CIB1: variants seen among roughly 807,000 people sequenced by gnomAD.
CIB1 encodes the protein calcium and integrin binding 1, also known as calcium and integrin-binding protein 1.
Under a neutral mutation model 25.0 loss-of-function variants are expected in CIB1, and 19 were observed. The observed-to-expected ratio is 0.76, with a 90% CI of 0.53 to 1.12. The LOEUF (loss-of-function observed/expected upper bound fraction) is 1.12, where lower values mean the gene tolerates loss of function less well. Among genes scored for constraint, CIB1 ranks in the 50% most tolerant of loss-of-function variants. The probability of loss-of-function intolerance (pLI) is 0.00; values close to 1 mark genes in which losing one functional copy is unlikely to be tolerated. For missense variants in CIB1, 236 were observed against 242.6 expected, an observed-to-expected ratio of 0.97 and a Z score of 0.18; for synonymous variants, 104 against 98.5, an observed-to-expected ratio of 1.06 and a Z score of -0.33.
At chr15:90,248,313 C>G in the CIB1 span, among the ~76,000 whole-genome samples, 8 of 152,180 alleles carry the variant, frequency 5.3e-5, no homozygotes, top group Non-Finnish European at 1.0e-4. Context: ...AAGTTTATCA[C>G]TAACCTATGT....
the CIB1 span, chr15:90,255,700 G>A: frequency 1.9e-6 from 3 of 1,612,670 alleles, no homozygotes; most frequent in Non-Finnish European, 2.5e-6. Context: ...GGGATGCCCA[G>A]GTGCTAGGAA....
chr15:90,263,025 G>A, the CIB1 span: 1 of 1,536,148 alleles, frequency 6.5e-7, no homozygotes, highest in Non-Finnish European at 8.7e-7. Context: ...AGGAGGAGCT[G>A]GAGCGGATGA....
At chr15:90,251,016 G>A in the CIB1 span, 7 of 1,258,728 alleles carry the variant, frequency 5.6e-6, no homozygotes, top group Non-Finnish European at 7.7e-6. Flanking sequence ...GGAAATGCTG[G>A]AGTGTCATTA....
At chr15:90,257,408 A>G in the CIB1 span, 1 of 1,367,882 alleles carries the variant, frequency 7.3e-7, no homozygotes, top group South Asian at 1.4e-5. Flanking sequence ...GAGCTGCAGC[A>G]TCTAGCTGGG....
chr15:90,265,735 T>G, the CIB1 span: 49 of 1,613,356 alleles, frequency 3.0e-5, no homozygotes, highest in Non-Finnish European at 3.9e-5. Flanking sequence ...CTGAGTCTCT[T>G]GCTGGGCGGG....
At chr15:90,236,930 A>T (rs80136852), upstream of CIB1, among the ~76,000 whole-genome samples, 3,668 of 151,854 alleles carry the variant, frequency 0.024, 143 homozygotes, top group African/African-American at 0.08. Context: ...TACAGTGATA[A>T]AACCGAGCTG....
the CIB1 span, chr15:90,242,824 T>A: frequency 2.0e-5 from 3 of 152,220 alleles, no homozygotes; most frequent in Non-Finnish European, 2.9e-5. Context: ...TTTATTTTCA[T>A]GGCTGCCTTC....
the CIB1 span, chr15:90,257,660 C>T: frequency 6.2e-7 from 1 of 1,614,166 alleles, no homozygotes. Context: ...TGCACCTGAC[C>T]AACTATGCTA....
At chr15:90,239,938 C>G in the CIB1 span, among the ~76,000 whole-genome samples, 67 of 151,374 alleles carry the variant, frequency 4.4e-4, 1 homozygote, top group Admixed American at 7.2e-4. Context: ...ATAAAATAGG[C>G]CGTGGCTGGG....
the CIB1 span, chr15:90,265,600 G>A: frequency 7.7e-6 from 11 of 1,437,464 alleles, no homozygotes; most frequent in Non-Finnish European, 1.0e-5. Flanking sequence ...CAAGTGAAGC[G>A]GGAAATAACT....
intron 6 of CIB1, 122 bp from the exon 7 acceptor site, chr15:90,230,627 C>T: frequency 2.8e-6 from 3 of 1,074,752 alleles, no homozygotes; most frequent in Non-Finnish European, 4.2e-6. Flanking sequence ...GTGTCAGCCC[C>T]CTCTGCAAGA....
chr15:90,234,029 C>A (rs1304154849), upstream of CIB1: 5 of 980,580 alleles, frequency 5.1e-6, no homozygotes, highest in Non-Finnish European at 7.1e-6. Flanking sequence ...CTCCTAAAAG[C>A]TGCCAGGCGT....
At chr15:90,258,814 T>A in the CIB1 span, 32 of 1,614,070 alleles carry the variant, frequency 2.0e-5, no homozygotes, top group Non-Finnish European at 2.5e-5. Flanking sequence ...TTCTCTGTGA[T>A]GCTATGACCC....
chr15:90,249,655 C>G, the CIB1 span: 4 of 152,272 alleles, frequency 2.6e-5, no homozygotes, highest in Non-Finnish European at 5.9e-5. Context: ...TGGGGACAGC[C>G]AGTCCTGTGA....
At chr15:90,237,046 C>T (rs866959873), upstream of CIB1, among the ~76,000 whole-genome samples, 8 of 152,052 alleles carry the variant, frequency 5.3e-5, no homozygotes, top group Non-Finnish European at 8.8e-5. Flanking sequence ...GCAACCTCTG[C>T]CTCCCAGATT....
chr15:90,241,513 G>C, the CIB1 span: 1 of 1,613,644 alleles, frequency 6.2e-7, no homozygotes, highest in South Asian at 1.1e-5. Context: ...CCGGGCTTCC[G>C]TGTCGGCTTC....
At chr15:90,259,166 C>T in the CIB1 span, 1 of 702,636 alleles carries the variant, frequency 1.4e-6, no homozygotes, top group Non-Finnish European at 2.1e-6. Context: ...AGTTCAACAC[C>T]AGACTGGGCA....
the CIB1 span, chr15:90,265,601 G>C: frequency 6.9e-7 from 1 of 1,441,166 alleles, no homozygotes; most frequent in Middle Eastern, 2.4e-4. Flanking sequence ...AAGTGAAGCG[G>C]GAAATAACTT....
At chr15:90,239,439 G>A in the CIB1 span, among the ~76,000 whole-genome samples, 4 of 152,010 alleles carry the variant, frequency 2.6e-5, no homozygotes, top group Non-Finnish European at 5.9e-5. Context: ...AGGGTGGACA[G>A]GCCTCAGGAA....
Sources: allele counts gnomAD v4.1 joint callset (sites outside exome capture counted in the v4.1 genomes callset), GRCh38; gene constraint gnomAD v4.1.1; transcripts MANE v1.5; gene names NCBI Gene and HGNC (gene_info 2026-07-23, HGNC 2026-07-21).